The following CNTNAP2 variants were observed in gnomAD, a reference collection of about 807,000 sequenced individuals.
The protein encoded by CNTNAP2 is contactin-associated protein-like 2.
In CNTNAP2, 98 loss-of-function variants were observed where a neutral mutation model predicts 155.2. The ratio of observed to expected loss-of-function variants is 0.63; its 90% CI spans 0.54 to 0.75. The LOEUF (loss-of-function observed/expected upper bound fraction) is 0.75. Ranked by LOEUF, CNTNAP2 falls within the 30% of genes least tolerant of loss-of-function variation. The pLI is 0.00. For synonymous variants in CNTNAP2, 651 were observed against 631.2 expected (o/e 1.03, Z -0.47); for missense variants, 1,727 against 1,688.1 (o/e 1.02, Z -0.40).
intron 1 of CNTNAP2, among the ~76,000 whole-genome samples, chr7:146,650,133 G>A (rs1207069821): frequency 1.3e-5 from 2 of 152,152 alleles, no homozygotes; most frequent in African/African-American, 4.8e-5. Context: ...GGAAGACAGT[G>A]TGGTGATTCC....
At chr7:147,288,078 A>G (rs1284462621) in intron 8 of CNTNAP2, among the ~76,000 whole-genome samples, 1 of 152,138 alleles carries the variant, frequency 6.6e-6, no homozygotes, top group Admixed American at 6.6e-5. Context: ...TACACCAAGC[A>G]TATTTTCTCT....
chr7:146,371,034 C>T lies in CNTNAP2; in HGVS notation c.97+254061C>T, dbSNP rs544621960. 2.0e-5 allele frequency among the ~76,000 whole-genome samples: 3 copies of T among 152,070 alleles called. No homozygotes were observed. In the East Asian group the frequency reaches 5.8e-4, roughly 29 times the overall value. On this transcript the variant is annotated intron_variant, in intron 1 of 23. Coordinates refer to ENST00000361727, the MANE Select transcript of CNTNAP2 (RefSeq NM_014141.6). ...TTTAAAATTTTAATTTTATATTAAGCATCTAAGATGAATTATTCTAGAAGA... is the reference window on the plus strand; with the variant it reads ...TTTAAAATTTTAATTTTATATTAAGTATCTAAGATGAATTATTCTAGAAGA...
At chr7:147,623,754 TTA>T (rs201292470) in intron 12 of CNTNAP2, among the ~76,000 whole-genome samples, 11 of 147,598 alleles carry the variant, frequency 7.5e-5, no homozygotes, top group African/African-American at 2.9e-4. Flanking sequence ...AAAAAAAATT[TTA>T]AATTTAAAAT....
chr7:146,812,502 C>T (rs1245907070), intron 2 of CNTNAP2, among the ~76,000 whole-genome samples: 1 of 149,642 alleles, frequency 6.7e-6, no homozygotes, highest in Non-Finnish European at 1.5e-5. Context: ...CACAACATGC[C>T]AGTTTGTTAC....
intron 21 of CNTNAP2, among the ~76,000 whole-genome samples, chr7:148,332,244 A>C (rs12673378): frequency 0.97 from 146,957 of 151,946 alleles, 71,111 homozygotes; most frequent in East Asian, 1. Context: ...TTAAACTGTG[A>C]AACTATTGTA....
intron 22 of CNTNAP2, among the ~76,000 whole-genome samples, chr7:148,408,634 C>T (rs1214180797): frequency 6.6e-6 from 1 of 152,202 alleles, no homozygotes; most frequent in Non-Finnish European, 1.5e-5. Flanking sequence ...GGAAGATTTA[C>T]CTTAACTTCT....
chr7:146,696,642 A>T (rs1214888409), intron 1 of CNTNAP2, among the ~76,000 whole-genome samples: 1 of 152,092 alleles, frequency 6.6e-6, no homozygotes, highest in Non-Finnish European at 1.5e-5. Flanking sequence ...TTTCTTTTCT[A>T]ATACATGCAT....
intron 21 of CNTNAP2, among the ~76,000 whole-genome samples, chr7:148,305,276 T>C (rs1315554066): frequency 6.6e-6 from 1 of 151,722 alleles, no homozygotes; most frequent in African/African-American, 2.4e-5. Context: ...CACACTATTT[T>C]GTTTTCCTTA....
chr7:146,856,163 A>G (rs891578780), intron 3 of CNTNAP2, among the ~76,000 whole-genome samples: 3 of 152,012 alleles, frequency 2.0e-5, no homozygotes, highest in Non-Finnish European at 4.4e-5. Context: ...ATAGTTAAGG[A>G]CAGTAATGCA....
chr7:146,781,132 A>G (rs909411897), intron 2 of CNTNAP2, among the ~76,000 whole-genome samples: 1 of 151,442 alleles, frequency 6.6e-6, no homozygotes, highest in Non-Finnish European at 1.5e-5. Context: ...GGAGGCTGAG[A>G]CAGGAGAATG....
chr7:147,262,525 C>A (rs908050644), intron 8 of CNTNAP2, among the ~76,000 whole-genome samples: 4 of 152,156 alleles, frequency 2.6e-5, no homozygotes, highest in Admixed American at 2.0e-4. Context: ...GGAGGCCGGG[C>A]CTGGCGCGGT....
intron 3 of CNTNAP2, among the ~76,000 whole-genome samples, chr7:147,030,641 G>A (rs1292646915): frequency 1.3e-5 from 2 of 152,042 alleles, no homozygotes; most frequent in Non-Finnish European, 2.9e-5. Flanking sequence ...GCTTATAAAT[G>A]TAGAATTTGC....
chr7:146,516,242 G>A (rs1420550284), intron 1 of CNTNAP2, among the ~76,000 whole-genome samples: 2 of 151,982 alleles, frequency 1.3e-5, no homozygotes, highest in East Asian at 3.9e-4. Context: ...GGGGAAAAAA[G>A]CACATGGTGC....
At chr7:147,049,126 T>G (rs1168360493) in intron 4 of CNTNAP2, among the ~76,000 whole-genome samples, 1 of 152,190 alleles carries the variant, frequency 6.6e-6, no homozygotes, top group African/African-American at 2.4e-5. Context: ...AACAGAGCCC[T>G]CGTGACCTAC....
At chr7:148,100,259 C>T (rs1364596093) in intron 15 of CNTNAP2, among the ~76,000 whole-genome samples, 1 of 151,348 alleles carries the variant, frequency 6.6e-6, no homozygotes, top group Non-Finnish European at 1.5e-5. Flanking sequence ...TAAACTCCTA[C>T]AGAACAAATA....
intron 20 of CNTNAP2, among the ~76,000 whole-genome samples, chr7:148,259,676 C>A (rs1191114882): frequency 2.6e-5 from 4 of 152,212 alleles, no homozygotes; most frequent in Non-Finnish European, 5.9e-5. Flanking sequence ...TCCACTGCAT[C>A]CCCAAAGCGT....
At chr7:147,687,075 C>T (rs1239533519) in intron 13 of CNTNAP2, among the ~76,000 whole-genome samples, 1 of 151,944 alleles carries the variant, frequency 6.6e-6, no homozygotes, top group Non-Finnish European at 1.5e-5. Flanking sequence ...TTCTGATTAA[C>T]CTGATTTGAC....
intron 1 of CNTNAP2, among the ~76,000 whole-genome samples, chr7:146,171,416 A>G (rs1325773042): frequency 6.6e-6 from 1 of 152,206 alleles, no homozygotes; most frequent in Non-Finnish European, 1.5e-5. Flanking sequence ...TATGACAAGT[A>G]TACATACAAG....
chr7:148,197,193 T>G (rs1407230258), intron 18 of CNTNAP2, among the ~76,000 whole-genome samples: 1 of 152,204 alleles, frequency 6.6e-6, no homozygotes, highest in African/African-American at 2.4e-5. Context: ...TAGAAATGTG[T>G]GTCCCTGACG....
Sources: gnomAD v4.1 joint callset for allele counts (sites outside exome capture counted in the v4.1 genomes callset) on GRCh38, gnomAD v4.1.1 for gene constraint, MANE v1.5 for transcripts, NCBI Gene and HGNC (gene_info 2026-07-23, HGNC 2026-07-21) for gene names.